Variants in C9orf85 observed in about 807,000 individuals in gnomAD.
The protein encoded by C9orf85 is chromosome 9 open reading frame 85.
In C9orf85, 16 loss-of-function variants were observed where a neutral mutation model predicts 14.9. The ratio of observed to expected loss-of-function variants is 1.08; its 90% confidence interval spans 0.73 to 1.63. The LOEUF is 1.63. C9orf85 is among the 40% of genes most tolerant of loss of function. The pLI is 0.00. For missense variants in C9orf85, 172 were observed against 186.1 expected, an observed-to-expected ratio of 0.92 and a Z score of 0.44; for synonymous variants, 45 against 56.8, an observed-to-expected ratio of 0.79 and a Z score of 0.93.
intron 1 of C9orf85, among the ~76,000 whole-genome samples, chr9:71,919,503 T>C (rs564134812): frequency 2.4e-3 from 367 of 152,372 alleles, no homozygotes; most frequent in Non-Finnish European, 3.6e-3. Context: ...TTGAGAAATA[T>C]TCTTTGATAT....
At chr9:71,938,753 G>A (rs1172397770) in intron 1 of C9orf85, among the ~76,000 whole-genome samples, 1 of 151,354 alleles carries the variant, frequency 6.6e-6, no homozygotes. Flanking sequence ...AAATATAATG[G>A]GATGAGAATT....
At chr9:71,924,716 A>G (rs1415131790) in intron 1 of C9orf85, among the ~76,000 whole-genome samples, 1 of 152,222 alleles carries the variant, frequency 6.6e-6, no homozygotes, top group Admixed American at 6.5e-5. Context: ...TAAATGACTC[A>G]TGCCACTGAA....
At chr9:71,928,356 C>CT (rs1827981717) in intron 1 of C9orf85, among the ~76,000 whole-genome samples, 1 of 152,158 alleles carries the variant, frequency 6.6e-6, no homozygotes, top group Admixed American at 6.5e-5. Context: ...TATTTTAACT[C>CT]TAAGAATATA....
At chr9:71,915,256 C>A (rs890780439) in intron 1 of C9orf85, among the ~76,000 whole-genome samples, 1 of 151,238 alleles carries the variant, frequency 6.6e-6, no homozygotes, top group Non-Finnish European at 1.5e-5. Flanking sequence ...ATATGGATCA[C>A]CACAACCTCC....
chr9:71,968,219 T>G (rs1822752881), intron 2 of C9orf85, among the ~76,000 whole-genome samples: 1 of 152,128 alleles, frequency 6.6e-6, no homozygotes, highest in African/African-American at 2.4e-5. Context: ...TCATGGATTT[T>G]TACATCTTTG....
At chr9:71,936,330 T>C (rs1828191230) in intron 1 of C9orf85, among the ~76,000 whole-genome samples, 1 of 152,042 alleles carries the variant, frequency 6.6e-6, no homozygotes, top group African/African-American at 2.4e-5. Flanking sequence ...CTGGAGAAAA[T>C]AGTGTCAAAA....
chr9:71,930,163 C>A (rs1433071333), intron 1 of C9orf85, among the ~76,000 whole-genome samples: 1 of 151,982 alleles, frequency 6.6e-6, no homozygotes, highest in Non-Finnish European at 1.5e-5. Flanking sequence ...ATAAATAATT[C>A]TTCCCTAAGA....
rs1822910396 is a variant in C9orf85 at position 71,972,730 on chromosome 9, A to AAGAT, written c.362_363insAGAT (p.Asn121LysfsTer3). 1 of 1,601,556 alleles carries AAGAT rather than the reference A, an allele frequency of 6.2e-7. No homozygotes were observed. Among genetic ancestry groups the AAGAT allele is most frequent in the African/African-American group, 1.3e-5 (1 of 74,476 alleles). ...ACAGAAAAAATAGAACATACTGAAA[A>AAGAT]TAATCTAAGTTCCAACCATAGAAGA... On this transcript the variant is annotated frameshift_variant, in exon 4 of 4. Coordinates refer to ENST00000334731, the MANE Select transcript of C9orf85 (RefSeq NM_182505.5). LOFTEE classifies it low-confidence loss of function (END_TRUNC).
intron 3 of C9orf85, among the ~76,000 whole-genome samples, chr9:71,981,467 A>G (rs1823094465): frequency 6.6e-6 from 1 of 152,226 alleles, no homozygotes; most frequent in African/African-American, 2.4e-5. Flanking sequence ...TTCTTGGTTC[A>G]CTGCTGCATT....
chr9:71,973,868 T>TG (rs1020452922), downstream of C9orf85, among the ~76,000 whole-genome samples: 11 of 150,572 alleles, frequency 7.3e-5, no homozygotes, highest in African/African-American at 2.7e-4. Flanking sequence ...TTGTTTTTTT[T>TG]TTTTAACTCT....
chr9:71,941,229 C>T (rs972629672), intron 1 of C9orf85, among the ~76,000 whole-genome samples: 6 of 152,184 alleles, frequency 3.9e-5, no homozygotes, highest in Non-Finnish European at 2.9e-5. Flanking sequence ...AGGCAAAGAT[C>T]ATGAGTGGAT....
chr9:71,940,383 A>G (rs759629958), intron 1 of C9orf85, among the ~76,000 whole-genome samples: 1 of 152,150 alleles, frequency 6.6e-6, no homozygotes, highest in Non-Finnish European at 1.5e-5. Context: ...GCAGTGAGCT[A>G]TGATCATGCC....
chr9:71,961,169 C>T (rs1822510808), intron 2 of C9orf85, among the ~76,000 whole-genome samples: 1 of 151,996 alleles, frequency 6.6e-6, no homozygotes, highest in African/African-American at 2.4e-5. Flanking sequence ...ACCTCGGTCT[C>T]CCAGAGTGCT....
At chr9:71,964,014 G>A (rs1477940604) in intron 2 of C9orf85, among the ~76,000 whole-genome samples, 5 of 152,312 alleles carry the variant, frequency 3.3e-5, no homozygotes, top group African/African-American at 1.2e-4. Context: ...AGTCTGGTGG[G>A]GACGTGGAGA....
chr9:71,981,426 T>A (rs547996962), intron 3 of C9orf85, among the ~76,000 whole-genome samples: 7 of 152,298 alleles, frequency 4.6e-5, no homozygotes, highest in African/African-American at 1.7e-4. Flanking sequence ...AAAAACATCA[T>A]GGAATTGAAC....
intron 2 of C9orf85, among the ~76,000 whole-genome samples, chr9:71,961,057 C>T (rs1564096873): frequency 6.6e-6 from 1 of 151,684 alleles, no homozygotes; most frequent in Non-Finnish European, 1.5e-5. Context: ...GGATTACAGG[C>T]ATGCGCCACC....
At chr9:71,964,563 T>C (rs1310360640) in intron 2 of C9orf85, among the ~76,000 whole-genome samples, 1 of 151,876 alleles carries the variant, frequency 6.6e-6, no homozygotes, top group Non-Finnish European at 1.5e-5. Context: ...AGCCTCACTC[T>C]TGAGCCAGCG....
intron 1 of C9orf85, among the ~76,000 whole-genome samples, chr9:71,913,847 G>A (rs2132237943): frequency 6.6e-6 from 1 of 152,052 alleles, no homozygotes. Flanking sequence ...TGGGTCTCAG[G>A]TTCAGTCACT....
chr9:71,949,643 C>T (rs1472557721), intron 2 of C9orf85, among the ~76,000 whole-genome samples: 1 of 152,054 alleles, frequency 6.6e-6, no homozygotes, highest in Non-Finnish European at 1.5e-5. Flanking sequence ...ACACCAAAGC[C>T]TTCATAAGGA....
Sources: gnomAD v4.1 joint callset for allele counts (sites outside exome capture counted in the v4.1 genomes callset) on GRCh38, gnomAD v4.1.1 for gene constraint, MANE v1.5 for transcripts, NCBI Gene and HGNC (gene_info 2026-07-23, HGNC 2026-07-21) for gene names.